Variants in LRRC75A observed in about 807,000 individuals in gnomAD.
LRRC75A encodes leucine-rich repeat-containing protein 75A.
In LRRC75A, 12 loss-of-function variants were observed where a neutral mutation model predicts 26.0. The observed-to-expected ratio is 0.46, with a 90% CI of 0.30 to 0.75. The LOEUF (loss-of-function observed/expected upper bound fraction) is 0.75. Ranked by LOEUF, LRRC75A falls within the 30% of genes least tolerant of loss-of-function variation. The pLI, the probability that LRRC75A is intolerant of heterozygous loss-of-function variation, is 0.08. For missense variants in LRRC75A, 410 were observed against 486.6 expected, an observed-to-expected ratio of 0.84 and a Z score of 1.48; for synonymous variants, 223 against 219.3, an observed-to-expected ratio of 1.02 and a Z score of -0.15.
chr17:16,484,764 C>T (rs932027368), intron 1 of LRRC75A, among the ~76,000 whole-genome samples: 1 of 152,068 alleles, frequency 6.6e-6, no homozygotes, highest in African/African-American at 2.4e-5. Flanking sequence ...CACTGAGGGC[C>T]GAGCAGGAGC....
At chr17:16,481,935 C>T (rs1191469325) in intron 1 of LRRC75A, among the ~76,000 whole-genome samples, 5 of 152,136 alleles carry the variant, frequency 3.3e-5, no homozygotes, top group African/African-American at 4.8e-5. Flanking sequence ...AGTCCGCATA[C>T]GCAGAGGACT....
chr17:16,446,727 C>T (rs2093589126), intron 3 of LRRC75A, among the ~76,000 whole-genome samples: 1 of 151,982 alleles, frequency 6.6e-6, no homozygotes, highest in African/African-American at 2.4e-5. Flanking sequence ...TAGGTTCCAG[C>T]AGAGCTCAAA....
chr17:16,448,181 A>G (rs1019442508), intron 2 of LRRC75A: 14 of 547,316 alleles, frequency 2.6e-5, no homozygotes, highest in Non-Finnish European at 4.4e-5. Flanking sequence ...TAGCATTGAA[A>G]AACAGATTTA....
rs961731079 is a variant in LRRC75A at position 16,484,530 on chromosome 17, G to T, written c.246+7215C>A. Among the ~76,000 whole-genome samples, 3 of 152,134 alleles carry T rather than the reference G, an allele frequency of 2.0e-5. No homozygotes were observed. The East Asian group carries it at 5.8e-4, about 29-fold the overall frequency. ...ATCGAGCCGGGCACCCTTCTTGACCGCCACCAACCACTTCCAGTTCTCATG... is the reference window on the plus strand; with the variant it reads ...ATCGAGCCGGGCACCCTTCTTGACCTCCACCAACCACTTCCAGTTCTCATG... On this transcript the variant is annotated intron_variant, in intron 1 of 3. Transcript: ENST00000470794.
chr17:16,469,998 C>T (rs1241812802), intron 1 of LRRC75A, among the ~76,000 whole-genome samples: 1 of 152,184 alleles, frequency 6.6e-6, no homozygotes, highest in Non-Finnish European at 1.5e-5. Flanking sequence ...TTCCGGAGGT[C>T]TCAGATTCCT....
intron 1 of LRRC75A, among the ~76,000 whole-genome samples, chr17:16,484,466 C>T (rs1300445587): frequency 6.6e-6 from 1 of 152,184 alleles, no homozygotes; most frequent in Admixed American, 6.5e-5. Flanking sequence ...CTAATGCCTG[C>T]TCTCCTGCCC....
At chr17:16,448,247 T>C (rs2093602865) in intron 2 of LRRC75A, 3 of 407,828 alleles carry the variant, frequency 7.4e-6, no homozygotes, top group Non-Finnish European at 1.4e-5. Flanking sequence ...AAGTGCCTGC[T>C]GACCCCCTGG....
At chr17:16,476,991 G>GC (rs2093822407) in intron 1 of LRRC75A, among the ~76,000 whole-genome samples, 3 of 151,234 alleles carry the variant, frequency 2.0e-5, no homozygotes, top group Non-Finnish European at 2.9e-5. Flanking sequence ...GCCCGCCTTG[G>GC]CCTCCCAAAG....
chr17:16,474,082 T>C (rs1482184269), intron 1 of LRRC75A, among the ~76,000 whole-genome samples: 1 of 152,198 alleles, frequency 6.6e-6, no homozygotes, highest in East Asian at 1.9e-4. Flanking sequence ...TTCAGAATAA[T>C]CTAAAGTAAG....
intron 1 of LRRC75A, among the ~76,000 whole-genome samples, chr17:16,479,570 A>C (rs1388609358): frequency 1.3e-5 from 2 of 152,204 alleles, no homozygotes; most frequent in Non-Finnish European, 2.9e-5. Flanking sequence ...ATGGGCTAGA[A>C]GCCACATTCC....
At chr17:16,468,752 G>A (rs556955904) in intron 1 of LRRC75A, among the ~76,000 whole-genome samples, 4 of 152,304 alleles carry the variant, frequency 2.6e-5, no homozygotes, top group Admixed American at 1.3e-4. Flanking sequence ...GGCCAGGCCC[G>A]GTGGCTCATG....
chr17:16,445,567 G>A (rs570853696), intron 3 of LRRC75A, among the ~76,000 whole-genome samples: 1 of 152,324 alleles, frequency 6.6e-6, no homozygotes, highest in Admixed American at 6.5e-5. Flanking sequence ...CAAAGGTCAT[G>A]GCTTGTACTT....
rs530696857 is a variant in LRRC75A at position 16,446,804 on chromosome 17, G to A, written c.491+1041C>T. On this transcript the variant is annotated intron_variant, in intron 3 of 3. Transcript: ENST00000470794. ...GCATTCCAGGTTCCAAGGGCCCCCC[G>A]TCTTGCTGTATCCCCATATATGTCC... 51 of 227,192 alleles carry A rather than the reference G, an allele frequency of 2.2e-4. 1 individual carries two copies. Among genetic ancestry groups the A allele is most frequent in the South Asian group, 1.7e-3 (46 of 26,570 alleles). 14.1% of individuals were successfully genotyped at this position (227,192 alleles called of 1,614,324 possible). A position where few individuals can be genotyped will look rare whatever the true frequency, so the allele number is the denominator to read the frequency against.
At chr17:16,453,740 C>T (rs749221098) in intron 2 of LRRC75A, among the ~76,000 whole-genome samples, 5 of 152,062 alleles carry the variant, frequency 3.3e-5, no homozygotes, top group Non-Finnish European at 7.4e-5. Flanking sequence ...TTTGAACTAA[C>T]GGAAATTGGA....
At position 16,475,644 on chromosome 17, in the gene LRRC75A, T is replaced by G. The variant is rs1396056481; in HGVS notation, c.247-13258A>C. On this transcript the variant is annotated intron_variant, in intron 1 of 3. Coordinates refer to ENST00000470794, the MANE Select transcript of LRRC75A (RefSeq NM_001113567.3). ...CTAGCTCACTGCAGCCTGGAACTTC[T>G]GTACTCCTGTAGTCCCGCTATTTGG... 2.0e-5 allele frequency among the ~76,000 whole-genome samples: 3 copies of G among 152,298 alleles called. No individual in the cohort carries two copies. In the East Asian group the frequency reaches 5.8e-4, roughly 29 times the overall value.
intron 2 of LRRC75A, among the ~76,000 whole-genome samples, chr17:16,461,462 G>A (rs888048243): frequency 6.6e-6 from 1 of 152,218 alleles, no homozygotes; most frequent in African/African-American, 2.4e-5. Flanking sequence ...TCCCCTTCCC[G>A]CCAGGTCGGG....
chr17:16,456,195 G>GT (rs2093678812), intron 2 of LRRC75A, among the ~76,000 whole-genome samples: 1 of 86,824 alleles, frequency 1.2e-5, no homozygotes. Context: ...GAGGAGGAAG[G>GT]AGGAGGAAGA....
At chr17:16,478,253 T>C (rs1373996249) in intron 1 of LRRC75A, among the ~76,000 whole-genome samples, 1 of 151,038 alleles carries the variant, frequency 6.6e-6, no homozygotes, top group Admixed American at 6.6e-5. Flanking sequence ...AGTGGCGTCA[T>C]CTCGGCTCAC....
chr17:16,452,773 T>G (rs573101785), intron 2 of LRRC75A, among the ~76,000 whole-genome samples: 179 of 152,204 alleles, frequency 1.2e-3, no homozygotes, highest in South Asian at 8.5e-3. Flanking sequence ...GATTCCCTAG[T>G]GCAGCTGAGG....
Sources: gnomAD v4.1 joint callset for allele counts (sites outside exome capture counted in the v4.1 genomes callset) on GRCh38, gnomAD v4.1.1 for gene constraint, MANE v1.5 for transcripts, NCBI Gene and HGNC (gene_info 2026-07-23, HGNC 2026-07-21) for gene names.